The following RASAL2 variants were observed in gnomAD, a reference collection of about 807,000 sequenced individuals.
RASAL2 encodes the protein RAS protein activator like 2.
In RASAL2, 58 loss-of-function variants were observed where a neutral mutation model predicts 128.9. The ratio of observed to expected loss-of-function variants is 0.45; its 90% CI spans 0.36 to 0.56. RASAL2 has a LOEUF of 0.56. RASAL2 is among the 20% of genes least tolerant of loss of function. The pLI is 0.00. For synonymous variants in RASAL2, 561 were observed against 580.8 expected, an observed-to-expected ratio of 0.97 and a Z score of 0.49; for missense variants, 1,360 against 1,601.6, an observed-to-expected ratio of 0.85 and a Z score of 2.57.
At chr1:178,110,670 C>A (rs1200500440) in intron 1 of RASAL2, among the ~76,000 whole-genome samples, 1 of 100,604 alleles carries the variant, frequency 9.9e-6, no homozygotes, top group African/African-American at 3.5e-5. Context: ...ATACTGCAAA[C>A]TCCACCTTCC....
chr1:178,220,144 C>T (rs895820914), intron 1 of RASAL2, among the ~76,000 whole-genome samples: 5 of 152,144 alleles, frequency 3.3e-5, no homozygotes, highest in African/African-American at 4.8e-5. Context: ...AAAACAGATG[C>T]TGTGCCATGC....
chr1:178,156,338 T>C (rs1210337475), intron 1 of RASAL2, among the ~76,000 whole-genome samples: 1 of 152,220 alleles, frequency 6.6e-6, no homozygotes, highest in Non-Finnish European at 1.5e-5. Context: ...AAGTAAGGAT[T>C]AATTGTGTGA....
chr1:178,345,028 G>A (rs1482572460), intron 3 of RASAL2, among the ~76,000 whole-genome samples: 3 of 152,146 alleles, frequency 2.0e-5, no homozygotes, highest in Non-Finnish European at 4.4e-5. Flanking sequence ...GACTTACTGA[G>A]TCAGTGATTA....
intron 2 of RASAL2, among the ~76,000 whole-genome samples, chr1:178,297,640 C>A (rs1667578190): frequency 6.7e-6 from 1 of 148,804 alleles, no homozygotes; most frequent in Non-Finnish European, 1.5e-5. Flanking sequence ...TTAAGAAATG[C>A]AATTCAGAAT....
At chr1:178,320,259 C>CT (rs1188301593) in intron 3 of RASAL2, among the ~76,000 whole-genome samples, 1 of 152,136 alleles carries the variant, frequency 6.6e-6, no homozygotes, top group Non-Finnish European at 1.5e-5. Context: ...TTGTCTGTGC[C>CT]CTGCCCCCAG....
intron 4 of RASAL2, among the ~76,000 whole-genome samples, chr1:178,409,082 CAA>C (rs1674185463): frequency 6.6e-6 from 1 of 152,034 alleles, no homozygotes; most frequent in African/African-American, 2.4e-5. Flanking sequence ...CACATGGAGG[CAA>C]GAGAGAGCAA....
At chr1:178,436,666 G>A (rs891917918) in intron 5 of RASAL2, among the ~76,000 whole-genome samples, 3 of 152,108 alleles carry the variant, frequency 2.0e-5, no homozygotes, top group Non-Finnish European at 4.4e-5. Flanking sequence ...TCTAGTAGGG[G>A]CATGGGAATT....
intron 4 of RASAL2, among the ~76,000 whole-genome samples, chr1:178,410,359 T>C (rs888484597): frequency 3.3e-5 from 5 of 152,030 alleles, no homozygotes; most frequent in African/African-American, 7.2e-5. Context: ...TCTCACCTTA[T>C]ACAAAAATCA....
At chr1:178,335,638 A>C (rs1420892850) in intron 3 of RASAL2, among the ~76,000 whole-genome samples, 1 of 152,190 alleles carries the variant, frequency 6.6e-6, no homozygotes, top group African/African-American at 2.4e-5. Context: ...CTGCTCACAC[A>C]TTACACACAA....
intron 1 of RASAL2, among the ~76,000 whole-genome samples, chr1:178,234,019 A>T (rs917717392): frequency 9.2e-5 from 14 of 152,334 alleles, no homozygotes; most frequent in South Asian, 8.3e-4. Flanking sequence ...GCACAATTTT[A>T]AAAAAGTGAT....
chr1:178,108,069 AC>A (rs1282684429), intron 1 of RASAL2, among the ~76,000 whole-genome samples: 1 of 152,146 alleles, frequency 6.6e-6, no homozygotes, highest in Non-Finnish European at 1.5e-5. Flanking sequence ...TTACATCCTT[AC>A]CAGCAATGCA....
chr1:178,457,899 T>C lies in RASAL2; in HGVS notation c.2607T>C (p.Asp869=). ...AQVEHASVML[D]VPIRLTGSQL... ...TGGAGCATGCATCTGTCATGCTTGA[T>C]GTGCCTATACGCTTGACCGGAAGCC... The change falls in exon 14 of 18, where the codon GAT becomes GAC. Residue 869 remains aspartate (D), a synonymous_variant. Transcript: ENST00000367649. 2 of 1,614,174 alleles carry C rather than the reference T, an allele frequency of 1.2e-6. No homozygotes were observed. Among genetic ancestry groups the C allele is most frequent in the Non-Finnish European group, 1.7e-6 (2 of 1,180,016 alleles).
chr1:178,451,620 T>G lies in RASAL2; in HGVS notation c.1677T>G (p.Asp559Glu), dbSNP rs1036241050. 1.2e-6 allele frequency: 2 copies of G among 1,613,856 alleles called. No homozygotes were observed. The highest frequency in any genetic ancestry group is 1.7e-6 in the Non-Finnish European group (2 of 1,179,792). Residue 559 changes from aspartate to glutamate, a missense_variant, in exon 10 of 18, where the codon GAT becomes GAG. This residue lies in a region of RASAL2 where 617 missense variants were observed against 714.2 expected (regional missense o/e 0.86). Transcript: ENST00000367649. ...AGTCCGATGAGAACTGTGAAGTGGA[T>G]CCCAGCAAATGTTCATCTAGTGAAC... ...LYESDENCEV[D>E]PSKCSSSELI...
intron 1 of RASAL2, among the ~76,000 whole-genome samples, chr1:178,187,542 G>A (rs1662348694): frequency 1.3e-5 from 2 of 152,052 alleles, no homozygotes; most frequent in East Asian, 3.8e-4. Flanking sequence ...CACAAAAGGT[G>A]AACCAGTCCT....
intron 3 of RASAL2, among the ~76,000 whole-genome samples, chr1:178,386,161 C>T (rs1386609602): frequency 6.6e-6 from 1 of 152,154 alleles, no homozygotes; most frequent in African/African-American, 2.4e-5. Context: ...ATATTTGCCC[C>T]TATAATTATC....
intron 1 of RASAL2, among the ~76,000 whole-genome samples, chr1:178,159,847 G>C (rs1558087221): frequency 6.6e-6 from 1 of 152,144 alleles, no homozygotes; most frequent in Non-Finnish European, 1.5e-5. Flanking sequence ...GGAGGTTGCA[G>C]TGAGTCGAGA....
intron 3 of RASAL2, among the ~76,000 whole-genome samples, chr1:178,379,095 CTA>C (rs1185017054): frequency 1.3e-5 from 2 of 151,916 alleles, no homozygotes; most frequent in Non-Finnish European, 2.9e-5. Flanking sequence ...GAAAAATAGA[CTA>C]TTATAAAAAA....
At chr1:178,201,648 G>C (rs115824955) in intron 1 of RASAL2, among the ~76,000 whole-genome samples, 7,212 of 152,240 alleles carry the variant, frequency 0.047, 258 homozygotes, top group Non-Finnish European at 0.073. Flanking sequence ...CAAAAGCAAG[G>C]TAAACATAGC....
intron 5 of RASAL2, among the ~76,000 whole-genome samples, chr1:178,424,835 A>T (rs1028357637): frequency 2.6e-5 from 4 of 152,210 alleles, no homozygotes; most frequent in Admixed American, 1.3e-4. Flanking sequence ...AAACATTTTT[A>T]AAATGGTTAA....
Sources: allele counts gnomAD v4.1 joint callset (sites outside exome capture counted in the v4.1 genomes callset), GRCh38; gene constraint gnomAD v4.1.1; regional missense constraint gnomAD v4.1.1; transcripts MANE v1.5; gene names NCBI Gene and HGNC (gene_info 2026-07-23, HGNC 2026-07-21).